The following FNDC1 variants were observed in gnomAD, a reference collection of about 807,000 sequenced individuals.
FNDC1 encodes the protein fibronectin type III domain containing 1.
FNDC1 carries 96 observed loss-of-function variants against 168.0 expected under a neutral mutation model. The observed-to-expected ratio is 0.57, with a 90% CI of 0.48 to 0.68. FNDC1 has a LOEUF of 0.68. Ranked by LOEUF, FNDC1 falls within the 30% of genes least tolerant of loss-of-function variation. FNDC1 has a pLI of 0.00. For missense variants in FNDC1, 2,587 were observed against 2,482.1 expected (o/e 1.04, Z -0.90); for synonymous variants, 1,099 against 1,025.9 (o/e 1.07, Z -1.36).
intron 5 of FNDC1, among the ~76,000 whole-genome samples, chr6:159,220,233 C>G (rs1782793087): frequency 6.6e-6 from 1 of 152,180 alleles, no homozygotes. Flanking sequence ...GAATTTTGAA[C>G]ACAAGTCTTC....
chr6:159,256,378 C>G, intron 17 of FNDC1, 145 bp from the exon 18 acceptor site: 5 of 653,162 alleles, frequency 7.7e-6, no homozygotes, highest in Non-Finnish European at 1.4e-5. Context: ...CCATCCTGTC[C>G]CACAGTGCCG....
At chr6:159,221,165 TC>T (rs1782814157) in intron 5 of FNDC1, among the ~76,000 whole-genome samples, 2 of 152,256 alleles carry the variant, frequency 1.3e-5, no homozygotes, top group African/African-American at 4.8e-5. Context: ...TCTTTTCTTT[TC>T]TTCTTTCTTT....
intron 1 of FNDC1, among the ~76,000 whole-genome samples, chr6:159,188,361 A>ATTTC (rs1387717698): frequency 1.0e-4 from 13 of 126,220 alleles, no homozygotes; most frequent in Non-Finnish European, 1.6e-4. Flanking sequence ...ATCTGCCTCA[A>ATTTC]TTTCTTTCTT....
At position 159,169,780 on chromosome 6, in the gene FNDC1, G is replaced by A; in HGVS notation, c.109+75G>A. On this transcript the variant is annotated intron_variant, in intron 1 of 22. Transcript: ENST00000297267. The surrounding 1 kb of genome is among the most constrained non-coding windows in gnomAD (Gnocchi z 6.8). ...TCCTGCGCTCGGGCCCCGTCGTCCC[G>A]CTCAGTGCTGGCTACGGGTCGTGTC... 1.9e-6 allele frequency: 1 copy of A among 514,030 alleles called. No homozygotes were observed. The highest frequency in any genetic ancestry group is 2.7e-6 in the Non-Finnish European group (1 of 369,022). 31.8% of individuals were successfully genotyped at this position (514,030 alleles called of 1,614,324 possible).
intron 1 of FNDC1, among the ~76,000 whole-genome samples, chr6:159,191,164 A>G (rs1782130708): frequency 6.6e-6 from 1 of 152,168 alleles, no homozygotes; most frequent in Non-Finnish European, 1.5e-5. Flanking sequence ...GATAGTGCTA[A>G]ACCATTAGAA....
At chr6:159,226,422 A>G (rs558804) in intron 8 of FNDC1, 51 bp from the exon 9 acceptor site, 208,131 of 1,411,620 alleles carry the variant, frequency 0.15, 17,676 homozygotes, top group East Asian at 0.39. Flanking sequence ...ATTTACATCT[A>G]GAATGTCCGG....
intron 2 of FNDC1, among the ~76,000 whole-genome samples, chr6:159,199,088 A>G (rs1782316186): frequency 6.6e-6 from 1 of 152,262 alleles, no homozygotes; most frequent in African/African-American, 2.4e-5. Context: ...CTTTGACAGA[A>G]CTAACCCTCA....
chr6:159,201,283 A>G (rs1402276578), intron 4 of FNDC1, among the ~76,000 whole-genome samples: 1 of 152,262 alleles, frequency 6.6e-6, no homozygotes, highest in Non-Finnish European at 1.5e-5. Flanking sequence ...TAAATATATC[A>G]ATCTGGAGTT....
At chr6:159,253,322 G>A (rs1382371444) in intron 17 of FNDC1, among the ~76,000 whole-genome samples, 2 of 152,182 alleles carry the variant, frequency 1.3e-5, no homozygotes, top group South Asian at 2.1e-4. Context: ...AGAGAATAGC[G>A]GCAGCTCGTC....
chr6:159,216,297 C>T (rs1293023069), intron 5 of FNDC1, among the ~76,000 whole-genome samples: 2 of 152,248 alleles, frequency 1.3e-5, no homozygotes, highest in Non-Finnish European at 2.9e-5. Flanking sequence ...CAAGTTGACA[C>T]TCAGTATTAA....
rs369333266 is a variant in FNDC1 at position 159,191,717 on chromosome 6, A to G, written c.110-5714A>G. ...CTTAAAGTATTCATTTATTCACCTG[A>G]TATTTATTGAATGCTGACTCTGAGC... is the stretch of plus-strand genomic sequence containing the variant. On this transcript the variant is annotated intron_variant, in intron 1 of 22. Transcript: ENST00000297267. Among the ~76,000 whole-genome samples the G allele has an allele frequency of 3.5e-4, 53 of 152,326 alleles. No homozygotes were observed. The South Asian group carries it at 0.011, about 31-fold the overall frequency.
At chr6:159,196,547 A>C (rs1782244762) in intron 1 of FNDC1, among the ~76,000 whole-genome samples, 1 of 152,082 alleles carries the variant, frequency 6.6e-6, no homozygotes, top group South Asian at 2.1e-4. Context: ...TCTTAAAGTT[A>C]CTGTTTAAAG....
intron 17 of FNDC1, among the ~76,000 whole-genome samples, chr6:159,253,828 G>A (rs1777320135): frequency 6.6e-6 from 1 of 152,208 alleles, no homozygotes; most frequent in African/African-American, 2.4e-5. Context: ...GCAGGGTTCT[G>A]ATGGAAGCCA....
intron 5 of FNDC1, among the ~76,000 whole-genome samples, chr6:159,218,055 G>T (rs1782742143): frequency 6.6e-6 from 1 of 152,192 alleles, no homozygotes; most frequent in Non-Finnish European, 1.5e-5. Context: ...CCCTGGTTTT[G>T]CATCTCCGCT....
chr6:159,185,223 T>C (rs1220640532), intron 1 of FNDC1, among the ~76,000 whole-genome samples: 1 of 152,170 alleles, frequency 6.6e-6, no homozygotes, highest in Non-Finnish European at 1.5e-5. Context: ...GCTGCATCAC[T>C]CTCTGGGCAG....
In FNDC1 at chr6:159,171,186, G is replaced by A. The variant is rs146990297; in HGVS notation, c.109+1481G>A. On this transcript the variant is annotated intron_variant, in intron 1 of 22. Coordinates refer to ENST00000297267, the MANE Select transcript of FNDC1 (RefSeq NM_032532.3). Reference sequence around the variant, plus strand: ...CTTCTGCTCTGTGAATCACTGTGCTGAGGAATGCTGGGGCTGGACAGCTTC... The same window carrying A: ...CTTCTGCTCTGTGAATCACTGTGCTAAGGAATGCTGGGGCTGGACAGCTTC... Among the ~76,000 whole-genome samples the A allele has an allele frequency of 2.6e-5, 4 of 152,276 alleles. No homozygotes were observed. In the East Asian group the frequency reaches 7.7e-4, roughly 29 times the overall value.
rs372139195 is a variant in FNDC1 at position 159,267,860 on chromosome 6, G to A, written c.5503G>A (p.Val1835Met). ...AAGAGGTGAAGACCATTGCCAATTTGTGGATTCACACCTTGATGGAAGAAC... is the reference window on the plus strand; with the variant it reads ...AAGAGGTGAAGACCATTGCCAATTTATGGATTCACACCTTGATGGAAGAAC... Reference protein sequence around the residue: ...WGRGEDHCQFVDSHLDGRTGP... With the variant: ...WGRGEDHCQFMDSHLDGRTGP... Residue 1835 changes from valine (V) to methionine (M), a missense_variant, in exon 22 of 23, where the codon GTG becomes ATG. Physicochemically the swap from Val to Met is conservative, Grantham distance 21. Transcript: ENST00000297267. 3.1e-6 allele frequency: 5 copies of A among 1,613,434 alleles called. No homozygotes were observed. The African/African-American group carries it at 6.7e-5, about 22-fold the overall frequency.
At chr6:159,259,889 C>G (rs1466375679) in intron 18 of FNDC1, among the ~76,000 whole-genome samples, 1 of 152,202 alleles carries the variant, frequency 6.6e-6, no homozygotes, top group Non-Finnish European at 1.5e-5. Context: ...TTTAATCAAA[C>G]TCAAAGTAAA....
In FNDC1 at chr6:159,200,013, T is replaced by C. The variant is rs1782339388; in HGVS notation, c.322T>C (p.Phe108Leu). The change falls in exon 3 of 23, where the codon TTT becomes CTT. Residue 108 changes from phenylalanine (F) to leucine (L), a missense_variant. Physicochemically the swap from Phe to Leu is conservative, Grantham distance 22. Coordinates refer to ENST00000297267, the MANE Select transcript of FNDC1 (RefSeq NM_032532.3). Reference sequence around the variant, plus strand: ...TGTTTCAGAGCCGGGGGTAGTGTACTTTGTGCTGCTTACTGCAGAAAACCA... The same window carrying C: ...TGTTTCAGAGCCGGGGGTAGTGTACCTTGTGCTGCTTACTGCAGAAAACCA... ...IEDVEPGVVY[F>L]VLLTAENHSG... 3 of 1,605,792 alleles carry C rather than the reference T, an allele frequency of 1.9e-6. No homozygotes were observed. The highest frequency in any genetic ancestry group is 2.6e-6 in the Non-Finnish European group (3 of 1,176,072).
Sources: gnomAD v4.1 joint callset for allele counts (sites outside exome capture counted in the v4.1 genomes callset) on GRCh38, gnomAD v4.1.1 for gene constraint, Gnocchi (gnomAD v3.1) non-coding constraint, MANE v1.5 for transcripts, NCBI Gene and HGNC (gene_info 2026-07-23, HGNC 2026-07-21) for gene names.